The following ASCC1 variants were observed in gnomAD, a reference collection of about 807,000 sequenced individuals.
ASCC1 encodes activating signal cointegrator 1 complex subunit 1.
Under a neutral mutation model 46.6 loss-of-function variants are expected in ASCC1, and 35 were observed. That is an observed-to-expected ratio of 0.75 (90% CI 0.57 to 0.99). The LOEUF is 0.99. ASCC1 is among the 50% of genes least tolerant of loss of function. The pLI, the probability that ASCC1 is intolerant of heterozygous loss-of-function variation, is 0.00. For missense variants in ASCC1, 376 were observed against 428.7 expected (o/e 0.88, Z 1.09); for synonymous variants, 143 against 146.6 (o/e 0.98, Z 0.18).
chr10:72,193,583 T>G (rs1854890185), intron 5 of ASCC1, among the ~76,000 whole-genome samples: 1 of 151,972 alleles, frequency 6.6e-6, no homozygotes, highest in South Asian at 2.1e-4. Flanking sequence ...AGGGAGTTTT[T>G]GGGGTGGAAC....
chr10:72,176,903 T>C (rs138990492), intron 5 of ASCC1, among the ~76,000 whole-genome samples: 83 of 151,996 alleles, frequency 5.5e-4, no homozygotes, highest in African/African-American at 1.8e-3. Flanking sequence ...GACTGTTCAA[T>C]TGTCAGCTCC....
At chr10:72,101,477 AC>A (rs1308031954) in intron 9 of ASCC1, among the ~76,000 whole-genome samples, 1 of 152,058 alleles carries the variant, frequency 6.6e-6, no homozygotes, top group Non-Finnish European at 1.5e-5. Flanking sequence ...AGGGCGTAAC[AC>A]AGAGGAGGGA....
rs1432380192 is a variant in ASCC1 at position 72,096,120 on chromosome 10, AAC to A, written c.*1212_*1213del. Reference sequence around the variant, plus strand: ...CACAGTCCTCACAATGTAGCAACTTAACACAGAGTTCAGAAGTGCAGTTAAAG... The same window carrying A: ...CACAGTCCTCACAATGTAGCAACTTAACAGAGTTCAGAAGTGCAGTTAAAG... On this transcript the variant is annotated 3_prime_UTR_variant, in exon 10 of 10. Transcript: ENST00000672957. 2.0e-5 allele frequency: 9 copies of A among 454,066 alleles called. No homozygotes were observed. Among genetic ancestry groups the A allele is most frequent in the African/African-American group, 8.0e-5 (4 of 50,028 alleles). 28.1% of individuals were successfully genotyped at this position (454,066 alleles called of 1,614,324 possible). A position where few individuals can be genotyped will look rare whatever the true frequency, so the allele number is the denominator to read the frequency against.
chr10:72,191,553 G>A lies in ASCC1; in HGVS notation c.489+5258C>T, dbSNP rs149545293. Among the ~76,000 whole-genome samples, 1,063 of 151,556 alleles carry A rather than the reference G, an allele frequency of 7.0e-3. 10 individuals carry two copies. Among genetic ancestry groups the A allele is most frequent in the African/African-American group, 0.025 (1,023 of 41,334 alleles). On this transcript the variant is annotated intron_variant, in intron 5 of 9. Coordinates refer to ENST00000672957, the MANE Select transcript of ASCC1 (RefSeq NM_001198800.3). ...AACCATGACCTAAATATTGCATCTC[G>A]TACAAAAAAATTACTGAATCATAGA...
chr10:72,112,752 G>T (rs576754200), intron 9 of ASCC1, among the ~76,000 whole-genome samples: 1 of 151,508 alleles, frequency 6.6e-6, no homozygotes, highest in Non-Finnish European at 1.5e-5. Flanking sequence ...GGTGGCACAC[G>T]CCTGTAATCC....
At chr10:72,213,922 C>T (rs1418078250) in intron 1 of ASCC1, among the ~76,000 whole-genome samples, 1 of 152,056 alleles carries the variant, frequency 6.6e-6, no homozygotes, top group Non-Finnish European at 1.5e-5. Flanking sequence ...CCTGTAATCC[C>T]AGCTACTCGG....
At chr10:72,150,892 T>C (rs1306922748) in intron 7 of ASCC1, among the ~76,000 whole-genome samples, 2 of 152,072 alleles carry the variant, frequency 1.3e-5, no homozygotes, top group Non-Finnish European at 2.9e-5. Context: ...AAAACCACAA[T>C]GAGATACCAT....
intron 1 of ASCC1, among the ~76,000 whole-genome samples, chr10:72,214,209 A>AC (rs1858671586): frequency 6.6e-6 from 1 of 151,690 alleles, no homozygotes; most frequent in African/African-American, 2.4e-5. Flanking sequence ...AACAACAACA[A>AC]AAAAAAGAGA....
chr10:72,196,934 A>G lies in ASCC1; in HGVS notation c.366T>C (p.Val122=), dbSNP rs1168340637. ...GCTTTCTTCGAAAAGTGTCCAAAAGAACATCAATCCGTGTTCGGGCTGAAA... is the reference window on the plus strand; with the variant it reads ...GCTTTCTTCGAAAAGTGTCCAAAAGGACATCAATCCGTGTTCGGGCTGAAA... The part of the protein sequence containing the change: ...GVISARTRID[V]LLDTFRRKQP... Residue 122 remains valine, a synonymous_variant, in exon 5 of 10, where the codon GTT becomes GTC. Coordinates refer to ENST00000672957, the MANE Select transcript of ASCC1 (RefSeq NM_001198800.3). The G allele has an allele frequency of 6.2e-7, 1 of 1,613,752 alleles. No individual in the cohort carries two copies. Among genetic ancestry groups the G allele is most frequent in the Non-Finnish European group, 8.5e-7 (1 of 1,180,024 alleles).
intron 5 of ASCC1, among the ~76,000 whole-genome samples, chr10:72,162,460 C>T (rs745644974): frequency 6.6e-6 from 1 of 151,586 alleles, no homozygotes; most frequent in African/African-American, 2.4e-5. Flanking sequence ...AGTGAGCCAC[C>T]GCGCCTGGCC....
intron 1 of ASCC1, 165 bp downstream of exon 1, chr10:72,216,042 G>A (rs1030717564): frequency 6.6e-6 from 1 of 152,476 alleles, no homozygotes; most frequent in Non-Finnish European, 1.5e-5. Flanking sequence ...TCCGTCTGTT[G>A]GGGGGCGAAC....
At chr10:72,098,948 T>C (rs556177088) in intron 9 of ASCC1, among the ~76,000 whole-genome samples, 2 of 152,356 alleles carry the variant, frequency 1.3e-5, no homozygotes, top group East Asian at 1.9e-4. Flanking sequence ...TGCTGAACAC[T>C]AATTTGAAGT....
intron 9 of ASCC1, among the ~76,000 whole-genome samples, chr10:72,123,909 A>T (rs1004631049): frequency 2.3e-4 from 35 of 152,356 alleles, no homozygotes; most frequent in Middle Eastern, 3.4e-3. Context: ...TGTACGTCTC[A>T]TGTACATATA....
chr10:72,137,036 C>T (rs759927426), intron 7 of ASCC1, among the ~76,000 whole-genome samples: 20 of 151,990 alleles, frequency 1.3e-4, no homozygotes, highest in South Asian at 2.1e-4. Context: ...AAGAACCCAC[C>T]GGAAGGAACC....
intron 4 of ASCC1, among the ~76,000 whole-genome samples, chr10:72,197,968 A>C (rs943618500): frequency 1.6e-5 from 2 of 121,924 alleles, no homozygotes; most frequent in Non-Finnish European, 3.3e-5. Flanking sequence ...ATAACCCAGA[A>C]ATTCTACCCT....
intron 3 of ASCC1, 37 bp downstream of exon 3, chr10:72,210,691 TGGAA>T (rs766268006): frequency 1.3e-4 from 201 of 1,568,496 alleles, no homozygotes; most frequent in Non-Finnish European, 3.5e-6. Flanking sequence ...CTGAGTTTCC[TGGAA>T]GTGTCTTCCC....
chr10:72,126,666 A>G (rs1411783431), intron 9 of ASCC1, among the ~76,000 whole-genome samples: 1 of 152,174 alleles, frequency 6.6e-6, no homozygotes, highest in African/African-American at 2.4e-5. Context: ...CATTCAGTCT[A>G]TTTTCTTTCT....
chr10:72,132,960 A>T (rs1589278764), intron 8 of ASCC1, 97 bp downstream of exon 8: 4 of 1,494,888 alleles, frequency 2.7e-6, no homozygotes, highest in Non-Finnish European at 3.7e-6. Context: ...AAAAGAAGCT[A>T]TATCAGAGAT....
At chr10:72,157,806 T>C (rs1849161229) in intron 6 of ASCC1, among the ~76,000 whole-genome samples, 1 of 152,222 alleles carries the variant, frequency 6.6e-6, no homozygotes, top group African/African-American at 2.4e-5. Flanking sequence ...TACTGCTTTT[T>C]ATCAGACAAG....
Sources: gnomAD v4.1 joint callset for allele counts (sites outside exome capture counted in the v4.1 genomes callset) on GRCh38, gnomAD v4.1.1 for gene constraint, MANE v1.5 for transcripts, NCBI Gene and HGNC (gene_info 2026-07-23, HGNC 2026-07-21) for gene names.